AFF3: variants seen among roughly 807,000 people sequenced by gnomAD.
AFF3 encodes AF4/FMR2 family member 3.
In AFF3, 32 loss-of-function variants were observed where a neutral mutation model predicts 129.7. The ratio of observed to expected loss-of-function variants is 0.25; its 90% CI spans 0.19 to 0.33. The LOEUF (loss-of-function observed/expected upper bound fraction) is 0.33. Ranked by LOEUF, AFF3 falls within the 10% of genes least tolerant of loss-of-function variation. The pLI, the probability that AFF3 is intolerant of heterozygous loss-of-function variation, is 1.00. For synonymous variants in AFF3, 644 were observed against 635.4 expected (o/e 1.01, Z -0.20); for missense variants, 1,373 against 1,592.0 (o/e 0.86, Z 2.34).
chr2:99,588,778 C>T (rs1678374224), intron 15 of AFF3, among the ~76,000 whole-genome samples: 1 of 152,194 alleles, frequency 6.6e-6, no homozygotes, highest in Non-Finnish European at 1.5e-5. Context: ...CAGGGCGAGA[C>T]TCCACAAATT....
chr2:99,744,273 A>G (rs2105141754), intron 9 of AFF3, 133 bp from the exon 10 acceptor site: 1 of 673,042 alleles, frequency 1.5e-6, no homozygotes, highest in East Asian at 2.9e-5. Context: ...TACTTTAATG[A>G]GAAACATATA....
intron 5 of AFF3, among the ~76,000 whole-genome samples, chr2:100,008,547 T>C (rs1243583201): frequency 1.3e-5 from 2 of 152,186 alleles, no homozygotes; most frequent in African/African-American, 4.8e-5. Flanking sequence ...GAAGTCTGTA[T>C]TATTGATAAA....
chr2:99,999,946 C>G (rs567597021), intron 7 of AFF3, among the ~76,000 whole-genome samples: 2 of 152,164 alleles, frequency 1.3e-5, no homozygotes, highest in Non-Finnish European at 2.9e-5. Context: ...CACAGCCCAC[C>G]CTTTGGTCAG....
In AFF3 at chr2:99,821,386, G is replaced by A. The variant is rs147047920; in HGVS notation, c.921+16091C>T. On this transcript the variant is annotated intron_variant, in intron 8 of 24. Coordinates refer to ENST00000672756, the MANE Select transcript of AFF3 (RefSeq NM_001386135.1). ...TAGTCCAGGGGTATCCAATGTTTTG[G>A]CTTCCCTGGGTATACTGGAAGAAGA... 4.5e-3 allele frequency among the ~76,000 whole-genome samples: 686 copies of A among 152,092 alleles called. 3 individuals carry two copies. The highest frequency in any genetic ancestry group is 0.016 in the African/African-American group (652 of 41,484).
At position 99,546,159 on chromosome 2, in the gene AFF3, A is replaced by C. The variant is rs1181506002; in HGVS notation, c.*5315T>G. The stretch of plus-strand genomic sequence containing the variant: ...CCACTTGATCCGGGTTTCTTCGAAA[A>C]TGTATTACTTTTTACAAATATAATT... On this transcript the variant is annotated 3_prime_UTR_variant, in exon 25 of 25. Transcript: ENST00000672756. 1 of 229,708 alleles carries C rather than the reference A, an allele frequency of 4.4e-6. No homozygotes were observed. The highest frequency in any genetic ancestry group is 8.6e-6 in the Non-Finnish European group (1 of 115,888). 14.2% of individuals were successfully genotyped at this position (229,708 alleles called of 1,614,324 possible). A position where few individuals can be genotyped will look rare whatever the true frequency, so the allele number is the denominator to read the frequency against.
At chr2:99,943,073 C>T (rs896886865) in intron 7 of AFF3, among the ~76,000 whole-genome samples, 6 of 152,162 alleles carry the variant, frequency 3.9e-5, no homozygotes, top group Non-Finnish European at 8.8e-5. Flanking sequence ...AATGGCCATA[C>T]GAAAGCTCAC....
intron 21 of AFF3, among the ~76,000 whole-genome samples, chr2:99,559,212 G>C (rs1258073916): frequency 3.3e-5 from 5 of 152,210 alleles, no homozygotes; most frequent in Non-Finnish European, 7.4e-5. Context: ...AGCATTAGGT[G>C]AATCACTCTG....
intron 7 of AFF3, among the ~76,000 whole-genome samples, chr2:99,941,842 GC>G (rs1355149911): frequency 6.6e-6 from 1 of 152,214 alleles, no homozygotes; most frequent in Non-Finnish European, 1.5e-5. Context: ...AATCTGGGGT[GC>G]TGATGACATC....
chr2:99,740,389 C>T (rs2105108702), intron 10 of AFF3, among the ~76,000 whole-genome samples: 1 of 151,608 alleles, frequency 6.6e-6, no homozygotes, highest in Admixed American at 6.6e-5. Flanking sequence ...AATCGCCACA[C>T]CGACTTCCAC....
At chr2:99,958,385 C>T (rs112893355) in intron 7 of AFF3, among the ~76,000 whole-genome samples, 10,322 of 151,208 alleles carry the variant, frequency 0.068, 575 homozygotes, top group Non-Finnish European at 0.1. Context: ...TTCAGCTACT[C>T]GAGAGGCTGA....
chr2:99,655,597 G>C (rs1326495433), intron 12 of AFF3, among the ~76,000 whole-genome samples: 1 of 152,068 alleles, frequency 6.6e-6, no homozygotes, highest in African/African-American at 2.4e-5. Context: ...CAATCCCAAG[G>C]GTTTTAGACA....
chr2:99,732,807 A>C (rs868499585), intron 10 of AFF3, among the ~76,000 whole-genome samples: 6 of 152,304 alleles, frequency 3.9e-5, no homozygotes, highest in African/African-American at 7.2e-5. Flanking sequence ...CACTCCCCAG[A>C]CAGTATATGA....
chr2:99,877,345 G>T (rs529636878), intron 7 of AFF3, among the ~76,000 whole-genome samples: 19 of 152,332 alleles, frequency 1.2e-4, no homozygotes, highest in African/African-American at 3.8e-4. Context: ...GCATGCATTT[G>T]GGATGCCAGG....
chr2:99,581,614 G>C (rs1157481907), intron 17 of AFF3, among the ~76,000 whole-genome samples: 1 of 151,850 alleles, frequency 6.6e-6, no homozygotes, highest in African/African-American at 2.4e-5. Context: ...CACCTCCCAG[G>C]TTCAAGCGAT....
rs1678045382 is a variant in AFF3, at chr2:99,713,086, G to C, written c.1091+13991C>G. On this transcript the variant is annotated intron_variant, in intron 11 of 24. Coordinates refer to ENST00000672756, the MANE Select transcript of AFF3 (RefSeq NM_001386135.1). ...ATTACCAGAAATGGGGAGGAGCAGG[G>C]AACAGGGAGTTATTGTTTAATGGGC... Among the ~76,000 whole-genome samples the C allele has an allele frequency of 2.0e-5, 3 of 152,132 alleles. No homozygotes were observed. The South Asian group carries it at 6.2e-4, about 32-fold the overall frequency.
chr2:100,104,593 C>A (rs2105497417), intron 3 of AFF3, 75 bp from the exon 4 acceptor site: 2 of 994,398 alleles, frequency 2.0e-6, no homozygotes, highest in Non-Finnish European at 1.2e-6. Context: ...CGCCCACCCC[C>A]AGGTCGGGGC....
intron 7 of AFF3, among the ~76,000 whole-genome samples, chr2:99,996,137 G>T (rs572460560): frequency 1.1e-4 from 16 of 152,252 alleles, no homozygotes; most frequent in Admixed American, 9.2e-4. Flanking sequence ...TAAAATCACT[G>T]AAGTTGTCCA....
chr2:99,892,245 T>C (rs952921864), intron 7 of AFF3, among the ~76,000 whole-genome samples: 3 of 152,238 alleles, frequency 2.0e-5, no homozygotes, highest in African/African-American at 4.8e-5. Flanking sequence ...ATTAAACGTC[T>C]AAAAACATAT....
chr2:99,996,823 A>G (rs536454848), intron 7 of AFF3, among the ~76,000 whole-genome samples: 3 of 152,068 alleles, frequency 2.0e-5, no homozygotes, highest in Admixed American at 2.0e-4. Context: ...CTCAAACCCA[A>G]GTAGACGTTG....
Sources: allele counts gnomAD v4.1 joint callset (sites outside exome capture counted in the v4.1 genomes callset), GRCh38; gene constraint gnomAD v4.1.1; transcripts MANE v1.5; gene names NCBI Gene and HGNC (gene_info 2026-07-23, HGNC 2026-07-21).